The following FHIT variants were observed in gnomAD, a reference collection of about 807,000 sequenced individuals.
FHIT encodes fragile histidine triad diadenosine triphosphatase.
FHIT carries 19 observed loss-of-function variants against 17.9 expected under a neutral mutation model. The ratio of observed to expected loss-of-function variants is 1.06; its 90% confidence interval spans 0.74 to 1.56. FHIT has a LOEUF of 1.56. FHIT is among the 40% of genes most tolerant of loss of function. FHIT has a pLI of 0.00. For missense variants in FHIT, 248 were observed against 189.2 expected, an observed-to-expected ratio of 1.31 and a Z score of -1.82; for synonymous variants, 81 against 69.7, an observed-to-expected ratio of 1.16 and a Z score of -0.81.
chr3:60,124,027 G>GAGAGAC (rs1705412575), intron 5 of FHIT, among the ~76,000 whole-genome samples: 1 of 101,432 alleles, frequency 9.9e-6, no homozygotes, highest in Admixed American at 1.0e-4. Flanking sequence ...GAGAGAGAGA[G>GAGAGAC]AGAGAGAGAG....
intron 5 of FHIT, among the ~76,000 whole-genome samples, chr3:60,245,937 AT>A (rs1339492627): frequency 2.6e-5 from 4 of 152,154 alleles, no homozygotes; most frequent in African/African-American, 9.6e-5. Flanking sequence ...GAATAAATTC[AT>A]TTTTATACAA....
At chr3:61,162,176 A>T (rs2037716524) in intron 2 of FHIT, among the ~76,000 whole-genome samples, 2 of 152,166 alleles carry the variant, frequency 1.3e-5, no homozygotes, top group South Asian at 2.1e-4. Flanking sequence ...ACTTGAAGAA[A>T]TTTTTTTCTC....
intron 2 of FHIT, chr3:61,166,948 G>A (rs2037857125): frequency 6.6e-6 from 1 of 152,178 alleles, no homozygotes; most frequent in East Asian, 1.9e-4. Flanking sequence ...GCCTCAACAG[G>A]TAAAATGATG....
chr3:60,471,739 T>C (rs543052296), intron 5 of FHIT, among the ~76,000 whole-genome samples: 60 of 152,318 alleles, frequency 3.9e-4, no homozygotes, highest in African/African-American at 1.4e-3. Context: ...TTGTTCAATT[T>C]GGTGTTTCTG....
intron 8 of FHIT, among the ~76,000 whole-genome samples, chr3:59,861,174 G>A (rs990957460): frequency 6.6e-6 from 1 of 152,148 alleles, no homozygotes; most frequent in Non-Finnish European, 1.5e-5. Flanking sequence ...TATAGGGTAA[G>A]TGCAATCTAT....
intron 4 of FHIT, among the ~76,000 whole-genome samples, chr3:60,642,357 T>C (rs1457109859): frequency 2.0e-5 from 3 of 152,200 alleles, no homozygotes; most frequent in Admixed American, 2.0e-4. Flanking sequence ...TGATGGCCAT[T>C]TGGCAAAAGC....
intron 4 of FHIT, among the ~76,000 whole-genome samples, chr3:60,555,281 T>C (rs1262129637): frequency 2.6e-5 from 4 of 152,228 alleles, no homozygotes; most frequent in African/African-American, 9.6e-5. Flanking sequence ...CTCTGTGTTA[T>C]GTCCCCACTA....
chr3:60,641,152 C>T (rs1296864548), intron 4 of FHIT, among the ~76,000 whole-genome samples: 1 of 151,890 alleles, frequency 6.6e-6, no homozygotes, highest in East Asian at 1.9e-4. Flanking sequence ...TGCACTCCGG[C>T]CTGGGCAACA....
At chr3:61,189,063 G>A (rs955460818) in intron 2 of FHIT, among the ~76,000 whole-genome samples, 1 of 152,094 alleles carries the variant, frequency 6.6e-6, no homozygotes, top group Non-Finnish European at 1.5e-5. Context: ...ATTCAACACA[G>A]TGTTGGAATT....
chr3:61,164,870 T>A (rs2107109235), intron 2 of FHIT, among the ~76,000 whole-genome samples: 1 of 152,312 alleles, frequency 6.6e-6, no homozygotes, highest in South Asian at 2.1e-4. Context: ...AACATTTAGC[T>A]CCCACTTACA....
chr3:60,865,515 T>C (rs551482473), intron 3 of FHIT, among the ~76,000 whole-genome samples: 1 of 152,328 alleles, frequency 6.6e-6, no homozygotes, highest in Admixed American at 6.5e-5. Context: ...GTAATTAAAT[T>C]CAGACTTACT....
At chr3:59,959,319 G>A (rs1274589689) in intron 7 of FHIT, among the ~76,000 whole-genome samples, 1 of 152,194 alleles carries the variant, frequency 6.6e-6, no homozygotes, top group Non-Finnish European at 1.5e-5. Context: ...AAGATACTAA[G>A]AAGAGAGTGT....
chr3:60,827,020 T>A (rs184131391), intron 3 of FHIT, among the ~76,000 whole-genome samples: 1 of 149,010 alleles, frequency 6.7e-6, no homozygotes, highest in African/African-American at 2.5e-5. Context: ...AAACTTTGCT[T>A]AAAAAAAAAA....
intron 5 of FHIT, among the ~76,000 whole-genome samples, chr3:60,512,688 G>C (rs777151020): frequency 1.3e-5 from 2 of 152,174 alleles, no homozygotes; most frequent in Admixed American, 6.5e-5. Flanking sequence ...CTGATGCAGA[G>C]GCAAGGGGAC....
chr3:60,622,124 G>A (rs1163693781), intron 4 of FHIT, among the ~76,000 whole-genome samples: 1 of 152,118 alleles, frequency 6.6e-6, no homozygotes, highest in Non-Finnish European at 1.5e-5. Flanking sequence ...ATTGGTGATG[G>A]AGTCAAGATT....
chr3:61,122,814 C>A (rs1179553155), intron 2 of FHIT, among the ~76,000 whole-genome samples: 1 of 152,156 alleles, frequency 6.6e-6, no homozygotes, highest in African/African-American at 2.4e-5. Context: ...TACCATCTCA[C>A]ACCAGTTAGA....
At chr3:61,157,488 G>C (rs1270573600) in intron 2 of FHIT, among the ~76,000 whole-genome samples, 4 of 152,168 alleles carry the variant, frequency 2.6e-5, no homozygotes, top group African/African-American at 9.7e-5. Flanking sequence ...CTGTAGCAAA[G>C]GAGAAAGTAC....
intron 8 of FHIT, among the ~76,000 whole-genome samples, chr3:59,796,156 T>G (rs1413114994): frequency 6.6e-6 from 1 of 152,218 alleles, no homozygotes; most frequent in Non-Finnish European, 1.5e-5. Flanking sequence ...GTAGATATTG[T>G]TGAGGCAAGA....
chr3:60,407,475 T>C (rs1311079893), intron 5 of FHIT, among the ~76,000 whole-genome samples: 2 of 152,172 alleles, frequency 1.3e-5, no homozygotes, highest in Non-Finnish European at 2.9e-5. Context: ...TAGGCAAGTT[T>C]AGATAATATT....
Sources: gnomAD v4.1 joint callset for allele counts (sites outside exome capture counted in the v4.1 genomes callset) on GRCh38, gnomAD v4.1.1 for gene constraint, MANE v1.5 for transcripts, NCBI Gene and HGNC (gene_info 2026-07-23, HGNC 2026-07-21) for gene names.